Variants in CNTNAP2 observed in about 807,000 individuals in gnomAD.
CNTNAP2 encodes the protein contactin associated protein 2, also known as contactin-associated protein-like 2.
CNTNAP2 carries 98 observed loss-of-function variants against 155.2 expected under a neutral mutation model. That is an observed-to-expected ratio of 0.63 (90% CI 0.54 to 0.75). The LOEUF is 0.75. CNTNAP2 is among the 30% of genes least tolerant of loss of function. The pLI is 0.00. For missense variants in CNTNAP2, 1,727 were observed against 1,688.1 expected (o/e 1.02, Z -0.40); for synonymous variants, 651 against 631.2 (o/e 1.03, Z -0.47).
intron 8 of CNTNAP2, among the ~76,000 whole-genome samples, chr7:147,168,065 A>G (rs1802152871): frequency 6.8e-6 from 1 of 147,322 alleles, no homozygotes; most frequent in Non-Finnish European, 1.5e-5. Flanking sequence ...ATATAAACAT[A>G]TATATATTTA....
At chr7:146,353,844 G>C (rs1425274129) in intron 1 of CNTNAP2, among the ~76,000 whole-genome samples, 1 of 151,970 alleles carries the variant, frequency 6.6e-6, no homozygotes, top group African/African-American at 2.4e-5. Flanking sequence ...TTATTGATCT[G>C]TATGAATAAG....
chr7:146,173,182 ATTTAGT>A (rs1385671569), intron 1 of CNTNAP2, among the ~76,000 whole-genome samples: 1 of 152,130 alleles, frequency 6.6e-6, no homozygotes, highest in African/African-American at 2.4e-5. Flanking sequence ...AGAACTTTAT[ATTTAGT>A]TTTAATTTTG....
At chr7:147,673,914 C>A (rs1795827482) in intron 13 of CNTNAP2, among the ~76,000 whole-genome samples, 2 of 152,004 alleles carry the variant, frequency 1.3e-5, no homozygotes, top group African/African-American at 2.4e-5. Flanking sequence ...GTACAAAAAT[C>A]AGTGGGGCTT....
chr7:146,872,646 G>A (rs4480030), intron 3 of CNTNAP2, among the ~76,000 whole-genome samples: 52,899 of 151,964 alleles, frequency 0.35, 9,380 homozygotes, highest in Admixed American at 0.43. Flanking sequence ...TAGCTTGAAG[G>A]CATCAATGCA....
intron 11 of CNTNAP2, among the ~76,000 whole-genome samples, chr7:147,506,169 C>A (rs867506669): frequency 1.4e-4 from 22 of 152,224 alleles, no homozygotes; most frequent in Non-Finnish European, 2.8e-4. Context: ...TAGGACCATT[C>A]TAAGACCCAT....
At chr7:146,260,827 G>T (rs935612916) in intron 1 of CNTNAP2, among the ~76,000 whole-genome samples, 2 of 152,168 alleles carry the variant, frequency 1.3e-5, no homozygotes, top group African/African-American at 2.4e-5. Flanking sequence ...TACTTTAGGG[G>T]ACTGTTGAGA....
At chr7:147,547,932 A>G (rs1053633773) in intron 11 of CNTNAP2, among the ~76,000 whole-genome samples, 3 of 152,186 alleles carry the variant, frequency 2.0e-5, no homozygotes, top group Non-Finnish European at 2.9e-5. Flanking sequence ...TGAAAAGGAC[A>G]TAATCTCATT....
At chr7:148,056,792 A>C (rs7794558) in intron 15 of CNTNAP2, 25,991 of 152,192 alleles carry the variant, frequency 0.17, 3,569 homozygotes, top group East Asian at 0.43. Context: ...TTTTGTGCTG[A>C]AGTATGATCG....
chr7:147,821,441 T>C (rs551683883), intron 13 of CNTNAP2, among the ~76,000 whole-genome samples: 60 of 152,246 alleles, frequency 3.9e-4, no homozygotes, highest in African/African-American at 1.4e-3. Context: ...CTCATCCCCA[T>C]GGTATGTATA....
chr7:147,985,064 G>T (rs187835133), intron 15 of CNTNAP2, among the ~76,000 whole-genome samples: 2 of 151,986 alleles, frequency 1.3e-5, no homozygotes, highest in East Asian at 3.9e-4. Context: ...GCAGTGAGCC[G>T]AAATCACGCC....
chr7:146,753,605 G>A (rs1801942930), intron 1 of CNTNAP2, among the ~76,000 whole-genome samples: 1 of 151,996 alleles, frequency 6.6e-6, no homozygotes, highest in Admixed American at 6.6e-5. Flanking sequence ...TTTATCTCAT[G>A]TACGTTACCA....
intron 21 of CNTNAP2, among the ~76,000 whole-genome samples, chr7:148,360,515 C>T (rs976406223): frequency 1.3e-5 from 2 of 152,158 alleles, no homozygotes; most frequent in South Asian, 2.1e-4. Context: ...TGTAACTGTG[C>T]GATCAACTTC....
intron 17 of CNTNAP2, among the ~76,000 whole-genome samples, chr7:148,161,977 C>G (rs967670310): frequency 4.6e-5 from 7 of 152,294 alleles, no homozygotes; most frequent in African/African-American, 1.7e-4. Flanking sequence ...ACACTAATCC[C>G]TCACGGATCC....
chr7:147,081,918 T>C (rs1209032568), intron 4 of CNTNAP2: 1 of 152,152 alleles, frequency 6.6e-6, no homozygotes, highest in African/African-American at 2.4e-5. Context: ...AGACGATTTG[T>C]ATGCTGGTGC....
intron 3 of CNTNAP2, among the ~76,000 whole-genome samples, chr7:146,851,131 C>A (rs1039700505): frequency 6.6e-6 from 1 of 152,054 alleles, no homozygotes. Flanking sequence ...ATTACAGGCA[C>A]CTGCCACCAC....
intron 8 of CNTNAP2, among the ~76,000 whole-genome samples, chr7:147,254,622 T>C (rs935538494): frequency 6.6e-6 from 1 of 152,196 alleles, no homozygotes; most frequent in African/African-American, 2.4e-5. Context: ...TTTTTCCTAG[T>C]TTTGGTTATA....
At chr7:146,245,568 C>T (rs1432058264) in intron 1 of CNTNAP2, among the ~76,000 whole-genome samples, 1 of 151,994 alleles carries the variant, frequency 6.6e-6, no homozygotes, top group Non-Finnish European at 1.5e-5. Context: ...GAATTCTGAC[C>T]ACACTAACCA....
At chr7:147,743,983 G>A (rs1796997893) in intron 13 of CNTNAP2, among the ~76,000 whole-genome samples, 1 of 152,180 alleles carries the variant, frequency 6.6e-6, no homozygotes, top group Admixed American at 6.5e-5. Context: ...CTCTCCAACT[G>A]TCATTCTCCT....
intron 3 of CNTNAP2, among the ~76,000 whole-genome samples, chr7:147,037,195 A>G (rs1799166352): frequency 6.6e-6 from 1 of 152,102 alleles, no homozygotes; most frequent in African/African-American, 2.4e-5. Flanking sequence ...ACTATATTAG[A>G]TGTACTATCT....
Sources: gnomAD v4.1 joint callset for allele counts (sites outside exome capture counted in the v4.1 genomes callset) on GRCh38, gnomAD v4.1.1 for gene constraint, MANE v1.5 for transcripts, NCBI Gene and HGNC (gene_info 2026-07-23, HGNC 2026-07-21) for gene names.